The following CLVS1 variants were observed in gnomAD, a reference collection of about 807,000 sequenced individuals.
The protein encoded by CLVS1 is clavesin 1.
In CLVS1, 10 loss-of-function variants were observed where a neutral mutation model predicts 33.1. The observed-to-expected ratio is 0.30, with a 90% CI of 0.19 to 0.51. The LOEUF (loss-of-function observed/expected upper bound fraction) is 0.51, where lower values mean the gene tolerates loss of function less well. Ranked by LOEUF, CLVS1 falls within the 20% of genes least tolerant of loss-of-function variation. CLVS1 has a pLI of 0.97. For synonymous variants in CLVS1, 163 were observed against 166.1 expected (o/e 0.98, Z 0.14); for missense variants, 343 against 433.4 (o/e 0.79, Z 1.85).
At chr8:61,148,359 G>C (rs1806458457) in intron 2 of CLVS1, among the ~76,000 whole-genome samples, 1 of 152,192 alleles carries the variant, frequency 6.6e-6, no homozygotes. Flanking sequence ...TGGAAGGACA[G>C]TTAAAATCCT....
At chr8:61,378,467 G>T (rs1402094718) in intron 3 of CLVS1, 1 of 152,232 alleles carries the variant, frequency 6.6e-6, no homozygotes, top group Non-Finnish European at 1.5e-5. Context: ...AATACTAGAA[G>T]ACCTTTGGAG....
At chr8:61,030,534 G>C in the CLVS1 span, among the ~76,000 whole-genome samples, 1 of 152,158 alleles carries the variant, frequency 6.6e-6, no homozygotes. Flanking sequence ...TGTAGCACTG[G>C]TTAATACTGG....
chr8:61,001,037 CT>C, the CLVS1 span, among the ~76,000 whole-genome samples: 1 of 152,200 alleles, frequency 6.6e-6, no homozygotes, highest in African/African-American at 2.4e-5. Context: ...CACACACCCC[CT>C]TAAAGTTATT....
At chr8:61,088,814 T>G (rs191592204) in intron 1 of CLVS1, among the ~76,000 whole-genome samples, 171 of 151,860 alleles carry the variant, frequency 1.1e-3, no homozygotes, top group African/African-American at 3.9e-3. Flanking sequence ...TTTTCTTTTT[T>G]TTTTTGAGAT....
intron 2 of CLVS1, among the ~76,000 whole-genome samples, chr8:61,315,305 C>A (rs1810972636): frequency 1.3e-5 from 2 of 152,152 alleles, no homozygotes; most frequent in Non-Finnish European, 2.9e-5. Flanking sequence ...TGTCTTTGAG[C>A]AAGGATGTAT....
chr8:61,006,690 C>T, the CLVS1 span, among the ~76,000 whole-genome samples: 5 of 152,092 alleles, frequency 3.3e-5, no homozygotes, highest in Admixed American at 1.3e-4. Flanking sequence ...ATATTTTTGT[C>T]GGTGTCTATA....
chr8:61,456,278 G>A (rs1267032713), intron 4 of CLVS1, among the ~76,000 whole-genome samples: 2 of 152,164 alleles, frequency 1.3e-5, no homozygotes, highest in East Asian at 3.9e-4. Context: ...TCAAAAACTG[G>A]ACATGTTGGG....
At chr8:60,989,748 G>T in the CLVS1 span, among the ~76,000 whole-genome samples, 1 of 152,254 alleles carries the variant, frequency 6.6e-6, no homozygotes, top group South Asian at 2.1e-4. Context: ...ATATGATACT[G>T]CAAGAAAGCA....
the CLVS1 span, among the ~76,000 whole-genome samples, chr8:61,036,296 G>C: frequency 6.6e-6 from 1 of 152,334 alleles, no homozygotes; most frequent in African/African-American, 2.4e-5. Context: ...TGGAAACTGT[G>C]GAGTGTTAAG....
At chr8:61,053,982 C>G (rs1467124921), upstream of CLVS1, among the ~76,000 whole-genome samples, 2 of 152,186 alleles carry the variant, frequency 1.3e-5, no homozygotes, top group African/African-American at 4.8e-5. Context: ...ATTTCATTTC[C>G]TAGACAATAA....
chr8:61,258,615 C>T (rs1377542246), intron 2 of CLVS1, among the ~76,000 whole-genome samples: 1 of 152,140 alleles, frequency 6.6e-6, no homozygotes, highest in Non-Finnish European at 1.5e-5. Context: ...TCCGAGACTC[C>T]AGAACAGGTT....
In CLVS1 at chr8:61,501,450, A is replaced by G. The variant is rs1041116531; in HGVS notation, c.*1908A>G. 6.6e-6 allele frequency: 1 copy of G among 152,154 alleles called. No homozygotes were observed. The allele number at this position is 152,154 out of a possible 1,614,324, so 9.4% of individuals were successfully genotyped here. A position where few individuals can be genotyped will look rare whatever the true frequency, so the allele number is the denominator to read the frequency against. ...AGTTTTTACTCTCTTCCATAATTTC[A>G]TTACATGAATGTAAGATGATGGCTC... On this transcript the variant is annotated 3_prime_UTR_variant, in exon 6 of 6. Transcript: ENST00000325897.
chr8:61,149,551 C>CAAAAAAAAAAAAAAAAAAAAAAAAAAA (rs1166606940), intron 2 of CLVS1, among the ~76,000 whole-genome samples: 8 of 51,986 alleles, frequency 1.5e-4, no homozygotes, highest in Admixed American at 4.4e-4. Flanking sequence ...GACTCTGTCT[C>CAAAAAAAAAAAAAAAAAAAAAAAAAAA]AAAAAAAAAA....
At chr8:61,069,036 G>A (rs1266098025) in intron 1 of CLVS1, among the ~76,000 whole-genome samples, 6 of 152,092 alleles carry the variant, frequency 3.9e-5, no homozygotes, top group East Asian at 1.9e-4. Flanking sequence ...GCACGATCTC[G>A]GCTCACTGCA....
chr8:61,491,835 C>T (rs1804099426), intron 5 of CLVS1, among the ~76,000 whole-genome samples: 1 of 152,144 alleles, frequency 6.6e-6, no homozygotes, highest in South Asian at 2.1e-4. Context: ...GATAAAATTA[C>T]AAGTACAATT....
intron 3 of CLVS1, among the ~76,000 whole-genome samples, chr8:61,426,728 C>T (rs1021150142): frequency 2.0e-5 from 3 of 152,136 alleles, no homozygotes; most frequent in African/African-American, 7.2e-5. Context: ...AGACAGCAAC[C>T]CTCTTCTGTG....
chr8:61,244,542 C>A (rs966713046), intron 2 of CLVS1, among the ~76,000 whole-genome samples: 1 of 152,044 alleles, frequency 6.6e-6, no homozygotes, highest in Non-Finnish European at 1.5e-5. Context: ...ATTTTGCATG[C>A]CTTGTTTTAT....
chr8:61,062,428 G>A (rs1484884319), intron 1 of CLVS1, among the ~76,000 whole-genome samples: 5 of 152,162 alleles, frequency 3.3e-5, no homozygotes, highest in Non-Finnish European at 4.4e-5. Flanking sequence ...ATGTAACTAC[G>A]TCAGTATAGA....
the CLVS1 span, among the ~76,000 whole-genome samples, chr8:60,986,284 A>G: frequency 2.3e-4 from 35 of 152,340 alleles, no homozygotes; most frequent in East Asian, 6.6e-3. Flanking sequence ...AATTAACAAA[A>G]CCTTGAGTAG....
Sources: allele counts gnomAD v4.1 joint callset (sites outside exome capture counted in the v4.1 genomes callset), GRCh38; gene constraint gnomAD v4.1.1; transcripts MANE v1.5; gene names NCBI Gene and HGNC (gene_info 2026-07-23, HGNC 2026-07-21).